KPNA5: variants seen among roughly 807,000 people sequenced by gnomAD.
The protein encoded by KPNA5 is karyopherin subunit alpha 5, also known as importin subunit alpha-6.
KPNA5 carries 46 observed loss-of-function variants against 71.3 expected under a neutral mutation model. The ratio of observed to expected loss-of-function variants is 0.65; its 90% confidence interval spans 0.51 to 0.83. KPNA5 has a LOEUF of 0.83. Among genes scored for constraint, KPNA5 ranks in the 40% least tolerant of loss-of-function variants. KPNA5 has a pLI of 0.00. For synonymous variants in KPNA5, 207 were observed against 201.4 expected (o/e 1.03, Z -0.24); for missense variants, 547 against 628.3 (o/e 0.87, Z 1.38).
intron 5 of KPNA5, among the ~76,000 whole-genome samples, chr6:116,701,444 T>C (rs1021569130): frequency 6.6e-6 from 1 of 152,174 alleles, no homozygotes; most frequent in African/African-American, 2.4e-5. Context: ...GTTGATACGA[T>C]AACTTCTCAG....
At position 116,733,704 on chromosome 6, in the gene KPNA5, C is replaced by T. The variant is rs900387200; in HGVS notation, c.*1381C>T. 6.6e-6 allele frequency: 1 copy of T among 151,276 alleles called. No individual in the cohort carries two copies. The highest frequency in any genetic ancestry group is 2.4e-5 in the African/African-American group (1 of 41,322). 9.4% of individuals were successfully genotyped at this position (151,276 alleles called of 1,614,324 possible). A position where few individuals can be genotyped will look rare whatever the true frequency, so the allele number is the denominator to read the frequency against. On this transcript the variant is annotated 3_prime_UTR_variant, in exon 14 of 14. Transcript: ENST00000368564. ...GGCTATTTATGTGTCCAATTGTATA[C>T]CTAGAATACTTACTTAAAACTTAGT...
intron 6 of KPNA5, among the ~76,000 whole-genome samples, chr6:116,702,555 G>A (rs1369306011): frequency 6.6e-6 from 1 of 152,102 alleles, no homozygotes; most frequent in Non-Finnish European, 1.5e-5. Context: ...TGGTGCCACA[G>A]CTCCTCAAGA....
intron 7 of KPNA5, among the ~76,000 whole-genome samples, chr6:116,707,458 T>G (rs1045289854): frequency 2.6e-5 from 4 of 152,186 alleles, no homozygotes; most frequent in African/African-American, 9.7e-5. Flanking sequence ...ACAACAGGGG[T>G]TGGCCAGCTT....
intron 1 of KPNA5, among the ~76,000 whole-genome samples, chr6:116,688,030 C>G (rs1392409018): frequency 1.3e-5 from 2 of 152,144 alleles, no homozygotes; most frequent in African/African-American, 4.8e-5. Context: ...TAGTCTCTTA[C>G]TGTTCTTGGT....
At position 116,734,748 on chromosome 6, in the gene KPNA5, A is replaced by C. The variant is rs1290221848; in HGVS notation, c.*2425A>C. On this transcript the variant is annotated 3_prime_UTR_variant, in exon 14 of 14. Transcript: ENST00000368564. ...AAAAAAAAAGAAAGAAAGAAAAGAAAAAAATAAATAAAATGCTCCAAAAAG... is the reference window on the plus strand; with the variant it reads ...AAAAAAAAAGAAAGAAAGAAAAGAACAAAATAAATAAAATGCTCCAAAAAG... 1 of 151,276 alleles carries C rather than the reference A, an allele frequency of 6.6e-6. No individual in the cohort carries two copies. Among genetic ancestry groups the C allele is most frequent in the East Asian group, 1.9e-4 (1 of 5,198 alleles). The allele number at this position is 151,276 out of a possible 1,614,324, so 9.4% of individuals were successfully genotyped here.
chr6:116,683,860 G>A (rs1777460684), intron 1 of KPNA5, among the ~76,000 whole-genome samples: 1 of 139,098 alleles, frequency 7.2e-6, no homozygotes, highest in African/African-American at 2.6e-5. Context: ...GCCTCCCAAA[G>A]TGCTGGGATT....
chr6:116,701,240 T>A (rs940259262), intron 5 of KPNA5, among the ~76,000 whole-genome samples: 11 of 152,176 alleles, frequency 7.2e-5, no homozygotes, highest in African/African-American at 9.6e-5. Flanking sequence ...ATTAAAAAAA[T>A]TTTTTTCATG....
At chr6:116,682,460 A>G (rs990529875) in intron 1 of KPNA5, among the ~76,000 whole-genome samples, 18 of 152,206 alleles carry the variant, frequency 1.2e-4, no homozygotes, top group Non-Finnish European at 2.6e-4. Context: ...TATTCTGTAC[A>G]AAAGTGGTTT....
In KPNA5 at chr6:116,716,270, C is replaced by T; in HGVS notation, c.708C>T (p.Ala236=). 1 of 1,613,274 alleles carries T rather than the reference C, an allele frequency of 6.2e-7. No homozygotes were observed. The highest frequency in any genetic ancestry group is 1.3e-5 in the African/African-American group (1 of 74,948). The part of the protein sequence containing the change: ...RLTTTRNAVW[A]LSNLCRGKNP... ...CAACAACAAGAAATGCCGTGTGGGC[C>T]CTCTCAAATTTATGTAGAGGCAAAA... The change falls in exon 8 of 14, where the codon GCC becomes GCT. Residue 236 remains alanine (A), a synonymous_variant. Transcript: ENST00000368564.
Position 116,734,296 on chromosome 6 carries a change from G to A in KPNA5, c.*1973G>A, listed in dbSNP as rs569906514. 2.7e-4 allele frequency: 41 copies of A among 151,764 alleles called. No homozygotes were observed. The highest frequency in any genetic ancestry group is 8.4e-4 in the African/African-American group (35 of 41,510). The allele number at this position is 151,764 out of a possible 1,614,324, so 9.4% of individuals were successfully genotyped here. On this transcript the variant is annotated 3_prime_UTR_variant, in exon 14 of 14. Transcript: ENST00000368564. ...TGCCTCCTTTTATTTTGAGGACCCTGTAGTCACTATAATAAATTTCTAAGC... is the reference window on the plus strand; with the variant it reads ...TGCCTCCTTTTATTTTGAGGACCCTATAGTCACTATAATAAATTTCTAAGC...
At chr6:116,705,630 T>A (rs1366786287) in intron 7 of KPNA5, among the ~76,000 whole-genome samples, 1 of 152,124 alleles carries the variant, frequency 6.6e-6, no homozygotes, top group Non-Finnish European at 1.5e-5. Context: ...CGTATTTTTT[T>A]AAAAAAGAAA....
chr6:116,689,319 G>A lies in KPNA5; in HGVS notation c.5-1G>A. On this transcript the variant is annotated splice_acceptor_variant, in intron 1 of 13. Transcript: ENST00000368564. LOFTEE classifies it high-confidence loss of function. ...CTGTTTTCTTTTCTCCTTCCTTTAA[G>A]ATGCCATGGCTAGTCCAGGGAAAGA... is the stretch of plus-strand genomic sequence containing the variant. 6.3e-7 allele frequency: 1 copy of A among 1,599,080 alleles called. No homozygotes were observed. The highest frequency in any genetic ancestry group is 8.5e-7 in the Non-Finnish European group (1 of 1,176,126).
chr6:116,686,705 G>A (rs28827854), intron 1 of KPNA5, among the ~76,000 whole-genome samples: 6 of 152,062 alleles, frequency 3.9e-5, no homozygotes, highest in Middle Eastern at 3.2e-3. Context: ...AATCCATCTC[G>A]AGTTATTTTG....
Position 116,741,149 on chromosome 6 carries a change from A to T in KPNA5, c.*8826A>T, listed in dbSNP as rs1215953517. 1.3e-5 allele frequency: 2 copies of T among 152,142 alleles called. No homozygotes were observed. Among genetic ancestry groups the T allele is most frequent in the Non-Finnish European group, 2.9e-5 (2 of 68,022 alleles). 9.4% of individuals were successfully genotyped at this position (152,142 alleles called of 1,614,324 possible). A position where few individuals can be genotyped will look rare whatever the true frequency, so the allele number is the denominator to read the frequency against. ...AGTGAAATGGCCCATGTGTGTAAGA[A>T]AAGAATGTGTTTTGTTAATTGATTC... On this transcript the variant is annotated 3_prime_UTR_variant, in exon 14 of 14. Transcript: ENST00000368564.
At chr6:116,689,281 G>A (rs372354372) in intron 1 of KPNA5, 39 bp from the exon 2 acceptor site, 1 of 1,587,364 alleles carries the variant, frequency 6.3e-7, no homozygotes, top group African/African-American at 1.4e-5. Context: ...TTGAGAGAGT[G>A]AGTTATCAGT....
At chr6:116,698,885 T>C (rs1398979957) in intron 5 of KPNA5, 87 bp downstream of exon 5, 2 of 665,684 alleles carry the variant, frequency 3.0e-6, no homozygotes, top group Non-Finnish European at 4.9e-6. Flanking sequence ...GTATTGACTA[T>C]TGTAAGCATT....
intron 2 of KPNA5, among the ~76,000 whole-genome samples, chr6:116,691,151 C>T (rs1466062506): frequency 1.3e-5 from 2 of 152,290 alleles, no homozygotes; most frequent in South Asian, 4.1e-4. Context: ...ATCGCTTGAA[C>T]CCAGGAGGTG....
At position 116,702,148 on chromosome 6, in the gene KPNA5, C is replaced by T. The variant is rs779226679; in HGVS notation, c.565C>T (p.Gln189Ter). Residue 189 changes from glutamine to a stop codon, truncating the protein, a stop_gained and splice_region_variant, in exon 6 of 14, where the codon CAG (glutamine) becomes TAG (stop). Coordinates refer to ENST00000368564, the MANE Select transcript of KPNA5 (RefSeq NM_001366306.2). LOFTEE classifies it high-confidence loss of function. ...TTCTGAACATGAAGATGTTCAGGAA[C>T]AGGTACGTCTCTAATTTGTATTGTT... ...LNSEHEDVQE[Q>*]AVWALGNIAG... The T allele has an allele frequency of 3.7e-6, 6 of 1,612,778 alleles. No homozygotes were observed. The highest frequency in any genetic ancestry group is 3.3e-5 in the Admixed American group (2 of 59,798).
At chr6:116,722,563 GA>G (rs1779149569) in intron 9 of KPNA5, among the ~76,000 whole-genome samples, 1 of 152,090 alleles carries the variant, frequency 6.6e-6, no homozygotes, top group Non-Finnish European at 1.5e-5. Flanking sequence ...AGTATTTATG[GA>G]ATGCCTGTTA....
Sources: gnomAD v4.1 joint callset for allele counts (sites outside exome capture counted in the v4.1 genomes callset) on GRCh38, gnomAD v4.1.1 for gene constraint, MANE v1.5 for transcripts, NCBI Gene and HGNC (gene_info 2026-07-23, HGNC 2026-07-21) for gene names.